The following SNRNP40 variants were observed in gnomAD, a reference collection of about 807,000 sequenced individuals.
SNRNP40 encodes small nuclear ribonucleoprotein U5 subunit 40.
SNRNP40 carries 21 observed loss-of-function variants against 45.8 expected under a neutral mutation model. The observed-to-expected ratio is 0.46, with a 90% CI of 0.32 to 0.66. The LOEUF is 0.66. Ranked by LOEUF, SNRNP40 falls within the 30% of genes least tolerant of loss-of-function variation. The pLI is 0.03. For synonymous variants in SNRNP40, 142 were observed against 163.8 expected (o/e 0.87, Z 1.01); for missense variants, 344 against 439.1 (o/e 0.78, Z 1.94).
intron 5 of SNRNP40, among the ~76,000 whole-genome samples, chr1:31,276,039 C>T (rs1645972122): frequency 6.6e-6 from 1 of 152,102 alleles, no homozygotes; most frequent in Non-Finnish European, 1.5e-5. Context: ...ATGGTTGTCA[C>T]TAAATTATTT....
In SNRNP40 at chr1:31,296,787, G is replaced by C. The variant is rs775006466; in HGVS notation, c.-36C>G. ...GGTCTCTTCAGCGCCGCCACTGACCGCGCTGCCGCTCTCAGGCGCCACGCA... is the reference window on the plus strand; with the variant it reads ...GGTCTCTTCAGCGCCGCCACTGACCCCGCTGCCGCTCTCAGGCGCCACGCA... On this transcript the variant is annotated 5_prime_UTR_variant, in exon 1 of 10. Transcript: ENST00000263694. The C allele has an allele frequency of 4.5e-6, 7 of 1,546,222 alleles. No individual in the cohort carries two copies. The Admixed American group carries it at 1.5e-4, about 32-fold the overall frequency.
At position 31,292,295 on chromosome 1, in the gene SNRNP40, G is replaced by T. The variant is rs76990271; in HGVS notation, c.272-289C>A. Among the ~76,000 whole-genome samples the T allele has an allele frequency of 1.6e-4, 25 of 152,324 alleles. No homozygotes were observed. The East Asian group carries it at 4.8e-3, about 29-fold the overall frequency. On this transcript the variant is annotated intron_variant, in intron 2 of 9. Coordinates refer to ENST00000263694, the MANE Select transcript of SNRNP40 (RefSeq NM_004814.3). ...GAGAATCACTTGAACCCAGGAGACG[G>T]AGGATGCAGTGAGCCGAGATCGCGC...
Position 31,271,486 on chromosome 1 carries a change from C to CG in SNRNP40, c.667dup (p.Arg223ProfsTer24). ...CATGGTGTAGGTTAGCTTGTTCTGG[C>CG]GCAGGTCCCAGACCTGCAAAAACAG... On this transcript the variant is annotated frameshift_variant, in exon 6 of 10. Transcript: ENST00000263694. LOFTEE classifies it high-confidence loss of function. The CG allele has an allele frequency of 6.2e-7, 1 of 1,612,658 alleles. No homozygotes were observed. Among genetic ancestry groups the CG allele is most frequent in the Non-Finnish European group, 8.5e-7 (1 of 1,179,634 alleles).
chr1:31,264,847 G>A (rs992014537), intron 8 of SNRNP40, among the ~76,000 whole-genome samples: 4 of 152,158 alleles, frequency 2.6e-5, no homozygotes, highest in Admixed American at 1.3e-4. Flanking sequence ...GTTTTCTGAG[G>A]ATACATTTCC....
chr1:31,281,014 G>A (rs777996240), intron 5 of SNRNP40, among the ~76,000 whole-genome samples: 18 of 152,164 alleles, frequency 1.2e-4, no homozygotes, highest in Admixed American at 2.6e-4. Flanking sequence ...AAAACACAGT[G>A]AGAGATGAGG....
chr1:31,264,500 T>C (rs140911658), intron 8 of SNRNP40, among the ~76,000 whole-genome samples: 119 of 152,334 alleles, frequency 7.8e-4, no homozygotes, highest in African/African-American at 2.8e-3. Flanking sequence ...AGTTAAATAA[T>C]TGCAGATCAT....
Position 31,292,013 on chromosome 1 carries a change from G to C in SNRNP40, c.272-7C>G, listed in dbSNP as rs1234365672. 6.4e-7 allele frequency: 1 copy of C among 1,572,540 alleles called. No homozygotes were observed. Among genetic ancestry groups the C allele is most frequent in the African/African-American group, 1.4e-5 (1 of 74,062 alleles). On this transcript the variant is annotated splice_region_variant and splice_polypyrimidine_tract_variant and intron_variant, in intron 2 of 9. Coordinates refer to ENST00000263694, the MANE Select transcript of SNRNP40 (RefSeq NM_004814.3). Reference sequence around the variant, plus strand: ...CCATAGACATTCCACAGTACTGTTAGGGAGATGGGTTCTGTGAGCATTACT... The same window carrying C: ...CCATAGACATTCCACAGTACTGTTACGGAGATGGGTTCTGTGAGCATTACT...
At chr1:31,271,943 T>G (rs1399322097) in intron 5 of SNRNP40, among the ~76,000 whole-genome samples, 3 of 152,200 alleles carry the variant, frequency 2.0e-5, no homozygotes, top group Non-Finnish European at 2.9e-5. Flanking sequence ...CCAATCTCTG[T>G]CTTTCTAAAA....
chr1:31,267,352 A>T (rs1645904396), intron 8 of SNRNP40, among the ~76,000 whole-genome samples: 2 of 152,166 alleles, frequency 1.3e-5, no homozygotes, highest in African/African-American at 4.8e-5. Flanking sequence ...CAAATTGTTG[A>T]TCCTCTAGGT....
chr1:31,275,368 A>G (rs1362801015), intron 5 of SNRNP40, among the ~76,000 whole-genome samples: 1 of 151,630 alleles, frequency 6.6e-6, no homozygotes, highest in Non-Finnish European at 1.5e-5. Context: ...GAGAGCAATT[A>G]CTCTCCCCTC....
chr1:31,260,203 A>T, intron 9 of SNRNP40, 82 bp from the exon 10 acceptor site: 1 of 914,484 alleles, frequency 1.1e-6, no homozygotes, highest in Non-Finnish European at 1.7e-6. Context: ...TCAAGAGCCA[A>T]TTCTGGTATA....
intron 8 of SNRNP40, chr1:31,263,626 C>T: frequency 2.1e-6 from 1 of 468,812 alleles, no homozygotes. Flanking sequence ...ATGAGCTCAT[C>T]TAGGCTCTCC....
chr1:31,266,058 C>T (rs1206193226), intron 8 of SNRNP40, among the ~76,000 whole-genome samples: 1 of 152,264 alleles, frequency 6.6e-6, no homozygotes, highest in East Asian at 1.9e-4. Context: ...GACACTTTCA[C>T]CTGGACCCTT....
intron 1 of SNRNP40, among the ~76,000 whole-genome samples, chr1:31,294,332 C>T (rs1239992468): frequency 2.6e-5 from 4 of 152,180 alleles, no homozygotes; most frequent in Admixed American, 6.5e-5. Flanking sequence ...TGGTCTTGGA[C>T]ACCAAGATGA....
chr1:31,270,439 A>G, intron 6 of SNRNP40, among the ~76,000 whole-genome samples: 1 of 152,204 alleles, frequency 6.6e-6, no homozygotes, highest in East Asian at 1.9e-4. Context: ...AAAAAAATTA[A>G]GGAAAAAATA....
chr1:31,280,966 G>C (rs867248762), intron 5 of SNRNP40, among the ~76,000 whole-genome samples: 28 of 152,252 alleles, frequency 1.8e-4, no homozygotes, highest in Admixed American at 1.6e-3. Context: ...CATTCTTAGA[G>C]AAACTTAGAA....
intron 4 of SNRNP40, chr1:31,282,628 A>G (rs547346352): frequency 2.7e-5 from 4 of 147,016 alleles, no homozygotes; most frequent in East Asian, 4.1e-4. Flanking sequence ...TCTATCATCT[A>G]TATCTATCTA....
chr1:31,277,995 A>G (rs1212980699), intron 5 of SNRNP40, among the ~76,000 whole-genome samples: 1 of 152,174 alleles, frequency 6.6e-6, no homozygotes, highest in Non-Finnish European at 1.5e-5. Context: ...ACGCCCAGCA[A>G]ACACTTTTTA....
chr1:31,286,813 C>T (rs1324246035), intron 4 of SNRNP40, among the ~76,000 whole-genome samples: 1 of 152,190 alleles, frequency 6.6e-6, no homozygotes, highest in Non-Finnish European at 1.5e-5. Flanking sequence ...CCTTACCACA[C>T]TTGTGCTCTG....
Sources: allele counts gnomAD v4.1 joint callset (sites outside exome capture counted in the v4.1 genomes callset), GRCh38; gene constraint gnomAD v4.1.1; transcripts MANE v1.5; gene names NCBI Gene and HGNC (gene_info 2026-07-23, HGNC 2026-07-21).